The following NF1 variants were observed in gnomAD, a reference collection of about 807,000 sequenced individuals.
NF1 encodes neurofibromin.
In NF1, 122 loss-of-function variants were observed where a neutral mutation model predicts 325.7. That is an observed-to-expected ratio of 0.37 (90% CI 0.32 to 0.44). The LOEUF is 0.44. Ranked by LOEUF, NF1 falls within the 20% of genes least tolerant of loss-of-function variation. The probability of loss-of-function intolerance (pLI) is 1.00; values close to 1 mark genes in which losing one functional copy is unlikely to be tolerated. For missense variants in NF1, 2,140 were observed against 3,415.4 expected, an observed-to-expected ratio of 0.63 and a Z score of 9.31; for synonymous variants, 1,091 against 1,186.0, an observed-to-expected ratio of 0.92 and a Z score of 1.65.
intron 3 of NF1, among the ~76,000 whole-genome samples, chr17:31,161,470 T>C (rs1423543775): frequency 6.6e-6 from 1 of 152,228 alleles, no homozygotes; most frequent in Non-Finnish European, 1.5e-5. Flanking sequence ...AAAATTCTTA[T>C]CCGCATGTAG....
chr17:31,298,274 G>A (rs2068506356), intron 36 of NF1, among the ~76,000 whole-genome samples: 1 of 152,080 alleles, frequency 6.6e-6, no homozygotes, highest in Non-Finnish European at 1.5e-5. Flanking sequence ...CTCTTCAGTG[G>A]ACTGCTTGTG....
chr17:31,244,984 A>G (rs994001717), intron 29 of NF1, among the ~76,000 whole-genome samples: 1 of 152,200 alleles, frequency 6.6e-6, no homozygotes, highest in Non-Finnish European at 1.5e-5. Flanking sequence ...ACAAATGTTC[A>G]TTGTAGTTCA....
chr17:31,252,875 A>C, intron 30 of NF1, 63 bp from the exon 31 acceptor site: 1 of 1,321,566 alleles, frequency 7.6e-7, no homozygotes, highest in Non-Finnish European at 1.1e-6. Context: ...ACAAGCCAAC[A>C]TTGTTTTTGT....
rs2066878542 is a variant in NF1 at position 31,219,137 on chromosome 17, C to T, written c.1641+19C>T. ...AATGGAGGTAAGGGGAAAATGAATT[C>T]CATGTTCTTGAAGGAAAGATTGTAA... On this transcript the variant is annotated intron_variant, in intron 14 of 57. Transcript: ENST00000358273. The T allele has an allele frequency of 1.2e-6, 2 of 1,607,698 alleles. No homozygotes were observed. The highest frequency in any genetic ancestry group is 1.7e-6 in the Non-Finnish European group (2 of 1,176,034).
intron 51 of NF1, chr17:31,355,960 A>C (rs1024932264): frequency 8.9e-5 from 14 of 156,658 alleles, no homozygotes; most frequent in Non-Finnish European, 1.8e-4. Flanking sequence ...TCTGGTTTTT[A>C]GTATTTTCAG....
intron 36 of NF1, chr17:31,294,863 A>T: frequency 9.8e-7 from 1 of 1,020,296 alleles, no homozygotes; most frequent in Non-Finnish European, 1.5e-6. Flanking sequence ...AAGACAAGTT[A>T]CTTCATTTAC....
At chr17:31,277,631 A>G (rs910626037) in intron 36 of NF1, among the ~76,000 whole-genome samples, 1 of 152,034 alleles carries the variant, frequency 6.6e-6, no homozygotes, top group African/African-American at 2.4e-5. Flanking sequence ...GCTGGCCCAT[A>G]GGGAATACAA....
At chr17:31,290,192 A>T (rs2068318266) in intron 36 of NF1, among the ~76,000 whole-genome samples, 1 of 152,158 alleles carries the variant, frequency 6.6e-6, no homozygotes, top group African/African-American at 2.4e-5. Flanking sequence ...TGTATAGACC[A>T]ATCTATTGAT....
intron 2 of NF1, among the ~76,000 whole-genome samples, chr17:31,158,066 A>G (rs1033013859): frequency 7.2e-5 from 11 of 151,972 alleles, no homozygotes; most frequent in African/African-American, 2.7e-4. Flanking sequence ...TGTATCCTTT[A>G]ACAAATCTCT....
chr17:31,163,290 A>G lies in NF1; in HGVS notation c.393A>G (p.Ala131=). The G allele has an allele frequency of 6.2e-7, 1 of 1,614,156 alleles. No homozygotes were observed. The highest frequency in any genetic ancestry group is 8.5e-7 in the Non-Finnish European group (1 of 1,180,020). ...CCTGTCGTGAAGGAAACCAGCATGC[A>G]GCTGAACTTCGGAATTCTGCCTCTG... ...LHTCREGNQH[A]AELRNSASGV... The change falls in exon 4 of 58, where the codon GCA becomes GCG. Residue 131 remains alanine, a synonymous_variant. Coordinates refer to ENST00000358273, the MANE Select transcript of NF1 (RefSeq NM_001042492.3).
At chr17:31,182,993 TTCA>T (rs1224325461) in intron 8 of NF1, 5 of 567,792 alleles carry the variant, frequency 8.8e-6, no homozygotes, top group East Asian at 2.8e-5. Context: ...CCTACTTGAG[TTCA>T]TCACTTTTAT....
chr17:31,309,139 T>C (rs1193647369), intron 36 of NF1, among the ~76,000 whole-genome samples: 2 of 152,218 alleles, frequency 1.3e-5, no homozygotes, highest in Non-Finnish European at 2.9e-5. Flanking sequence ...AGTGACAGAT[T>C]GGGAGTTTGT....
intron 12 of NF1, among the ~76,000 whole-genome samples, 191 bp from the exon 13 acceptor site, chr17:31,214,260 T>A (rs1450078932): frequency 2.0e-5 from 3 of 152,146 alleles, no homozygotes; most frequent in Non-Finnish European, 4.4e-5. Context: ...CAAAAACGAT[T>A]TTCATTGTTT....
At chr17:31,253,752 A>AT (rs1311267984) in intron 31 of NF1, 2 of 152,220 alleles carry the variant, frequency 1.3e-5, no homozygotes, top group African/African-American at 4.8e-5. Context: ...CTTCCAGTGA[A>AT]TGGAATTTGT....
chr17:31,239,247 CAAAAG>C (rs2067253737), intron 29 of NF1, among the ~76,000 whole-genome samples: 1 of 152,170 alleles, frequency 6.6e-6, no homozygotes, highest in South Asian at 2.1e-4. Context: ...AAGAAAGAAT[CAAAAG>C]AGAAGGCTAG....
chr17:31,261,400 GTTCCTTACAAAGGAA>G (rs1330205770), intron 34 of NF1, among the ~76,000 whole-genome samples: 37 of 152,246 alleles, frequency 2.4e-4, no homozygotes, highest in African/African-American at 3.1e-4. Context: ...TGTATGAAGA[GTTCCTTACAAAGGAA>G]GAATGAGTCC....
Position 31,249,203 on chromosome 17 carries a change from A to G in NF1, c.4110+84A>G, listed in dbSNP as rs537682352. 335 of 1,439,688 alleles carry G rather than the reference A, an allele frequency of 2.3e-4. 2 individuals carry two copies. The South Asian group carries it at 3.8e-3, about 16-fold the overall frequency. The allele number at this position is 1,439,688 out of a possible 1,614,324, so 89.2% of individuals were successfully genotyped here. ...TTATCAAAGAAGGATCTAGCTGCTG[A>G]TGGTGTGTGGTTAACTATAATACTG... On this transcript the variant is annotated intron_variant, in intron 30 of 57. Transcript: ENST00000358273.
At chr17:31,101,087 C>A (rs1912288155) in intron 1 of NF1, among the ~76,000 whole-genome samples, 1 of 152,034 alleles carries the variant, frequency 6.6e-6, no homozygotes, top group Admixed American at 6.6e-5. Flanking sequence ...TTGTTGTTGC[C>A]AGATACTCAC....
chr17:31,243,654 C>G (rs910214078), intron 29 of NF1, among the ~76,000 whole-genome samples: 3 of 151,922 alleles, frequency 2.0e-5, no homozygotes, highest in Non-Finnish European at 2.9e-5. Context: ...GGCCCAAGGG[C>G]TCTTCATTCA....
Sources: gnomAD v4.1 joint callset for allele counts (sites outside exome capture counted in the v4.1 genomes callset) on GRCh38, gnomAD v4.1.1 for gene constraint, MANE v1.5 for transcripts, NCBI Gene and HGNC (gene_info 2026-07-23, HGNC 2026-07-21) for gene names.